Variants in PCDHGA11 observed in about 807,000 individuals in gnomAD.
PCDHGA11 encodes protocadherin gamma subfamily A, 11, also known as protocadherin gamma-A11.
A neutral mutation model predicts 60.4 loss-of-function variants in PCDHGA11; 39 were observed. The ratio of observed to expected loss-of-function variants is 0.65; its 90% CI spans 0.50 to 0.84. The LOEUF is 0.84. PCDHGA11 is among the 40% of genes least tolerant of loss of function. The probability of loss-of-function intolerance (pLI) is 0.00; values close to 1 mark genes in which losing one functional copy is unlikely to be tolerated. For synonymous variants in PCDHGA11, 533 were observed against 510.3 expected (o/e 1.04, Z -0.60); for missense variants, 1,165 against 1,197.7 (o/e 0.97, Z 0.40).
chr5:141,494,100 G>A (rs559145191), intron 1 of PCDHGA11, among the ~76,000 whole-genome samples: 7 of 152,270 alleles, frequency 4.6e-5, no homozygotes, highest in South Asian at 2.1e-4. Flanking sequence ...ATTTTTCTCC[G>A]TCTCAGACAG....
chr5:141,511,215 A>G lies in PCDHGA11; in HGVS notation c.*42A>G, dbSNP rs1562250541. On this transcript the variant is annotated 3_prime_UTR_variant, in exon 4 of 4. Coordinates refer to ENST00000398587, the MANE Select transcript of PCDHGA11 (RefSeq NM_018914.3). ...AGAGCCACAGGGCGGCCTCTCCCCA[A>G]CCAGCCCAGCTTCTCCTTACCTGCA... The G allele has an allele frequency of 1.2e-6, 2 of 1,608,380 alleles. No individual in the cohort carries two copies. The highest frequency in any genetic ancestry group is 2.2e-5 in the East Asian group (1 of 44,560).
At position 141,487,030 on chromosome 5, in the gene PCDHGA11, T is replaced by C. The variant is rs773121109; in HGVS notation, c.2434-7777T>C. Reference sequence around the variant, plus strand: ...TGGAGGCCCCAGATCCCAGCCTGTTTGCAGTCTCTCGATATGCTGGGGAGG... The same window carrying C: ...TGGAGGCCCCAGATCCCAGCCTGTTCGCAGTCTCTCGATATGCTGGGGAGG... On this transcript the variant is annotated intron_variant, in intron 1 of 3. Coordinates refer to ENST00000398587, the MANE Select transcript of PCDHGA11 (RefSeq NM_018914.3). The surrounding 1 kb of genome is among the most constrained non-coding windows in gnomAD (Gnocchi z 5.0). 12 of 1,614,100 alleles carry C rather than the reference T, an allele frequency of 7.4e-6. No homozygotes were observed. Among genetic ancestry groups the C allele is most frequent in the Non-Finnish European group, 1.0e-5 (12 of 1,180,044 alleles).
In PCDHGA11 at chr5:141,428,860, CTT is replaced by C. The variant is rs34152666; in HGVS notation, c.2433+5212_2433+5213del. On this transcript the variant is annotated intron_variant, in intron 1 of 3. Transcript: ENST00000398587. The stretch of plus-strand genomic sequence containing the variant: ...ACATTTTCACCATTTTTACGGGAGA[CTT>C]TTTTTTTTTTTGGACGGAGTCTCGC... The C allele has an allele frequency of 7.4e-3, 1,070 of 145,506 alleles. 4 individuals carry two copies. Among genetic ancestry groups the C allele is most frequent in the South Asian group, 0.018 (82 of 4,566 alleles). 9.0% of individuals were successfully genotyped at this position (145,506 alleles called of 1,614,324 possible).
At position 141,512,574 on chromosome 5, in the gene PCDHGA11, C is replaced by T. The variant is rs1429371202; in HGVS notation, c.*1401C>T. 6.5e-6 allele frequency: 1 copy of T among 152,884 alleles called. No homozygotes were observed. Among genetic ancestry groups the T allele is most frequent in the Non-Finnish European group, 1.5e-5 (1 of 68,502 alleles). The allele number at this position is 152,884 out of a possible 1,614,324, so 9.5% of individuals were successfully genotyped here. On this transcript the variant is annotated 3_prime_UTR_variant, in exon 4 of 4. Coordinates refer to ENST00000398587, the MANE Select transcript of PCDHGA11 (RefSeq NM_018914.3). ...GTGCATAGACCTTCTTCTCCCACCCCCTTCTGCCCCTGGGTCCCCGGCCAT... is the reference window on the plus strand; with the variant it reads ...GTGCATAGACCTTCTTCTCCCACCCTCTTCTGCCCCTGGGTCCCCGGCCAT...
Position 141,431,615 on chromosome 5 carries a change from G to A in PCDHGA11, c.2433+7955G>A. 1.2e-6 allele frequency: 2 copies of A among 1,614,236 alleles called. No homozygotes were observed. Among genetic ancestry groups the A allele is most frequent in the Non-Finnish European group, 1.7e-6 (2 of 1,180,042 alleles). ...GAGGTATTCCTTCCGGTATGTGGACGACAAGGCGGCCCAAGTTTTCAAACT... is the reference window on the plus strand; with the variant it reads ...GAGGTATTCCTTCCGGTATGTGGACAACAAGGCGGCCCAAGTTTTCAAACT... On this transcript the variant is annotated intron_variant, in intron 1 of 3. Coordinates refer to ENST00000398587, the MANE Select transcript of PCDHGA11 (RefSeq NM_018914.3). The surrounding 1 kb of genome is among the most constrained non-coding windows in gnomAD (Gnocchi z 4.8).
In PCDHGA11 at chr5:141,486,369, C is replaced by T; in HGVS notation, c.2434-8438C>T. 8 of 1,614,128 alleles carry T rather than the reference C, an allele frequency of 5.0e-6. No homozygotes were observed. The highest frequency in any genetic ancestry group is 6.8e-6 in the Non-Finnish European group (8 of 1,179,996). On this transcript the variant is annotated intron_variant, in intron 1 of 3. Coordinates refer to ENST00000398587, the MANE Select transcript of PCDHGA11 (RefSeq NM_018914.3). The surrounding 1 kb of genome is among the most constrained non-coding windows in gnomAD (Gnocchi z 5.0). ...GACCACTTGCCATTTGCCCTCAAGT[C>T]TGCCTTCAGGAACCAGTTCTCCCTG...
In PCDHGA11 at chr5:141,476,691, A is replaced by G; in HGVS notation, c.2434-18116A>G. 6.2e-7 allele frequency: 1 copy of G among 1,614,224 alleles called. No individual in the cohort carries two copies. Among genetic ancestry groups the G allele is most frequent in the Non-Finnish European group, 8.5e-7 (1 of 1,180,050 alleles). The stretch of plus-strand genomic sequence containing the variant: ...GTGCAGACGCGGGAGGACAGCACCA[A>G]GTACGCGGAGCTGGTGTTGGAGCGC... On this transcript the variant is annotated intron_variant, in intron 1 of 3. Transcript: ENST00000398587. This position sits in a 1 kb window ranked among gnomAD's most constrained non-coding sequence, Gnocchi z 7.6.
At chr5:141,494,188 T>C (rs2099752632) in intron 1 of PCDHGA11, among the ~76,000 whole-genome samples, 1 of 152,186 alleles carries the variant, frequency 6.6e-6, no homozygotes, top group South Asian at 2.1e-4. Flanking sequence ...GTCCCGGGAC[T>C]TGGATGCCCC....
At chr5:141,430,817 C>T (rs200369093) in intron 1 of PCDHGA11, 2 of 1,539,796 alleles carry the variant, frequency 1.3e-6, no homozygotes, top group Non-Finnish European at 1.7e-6. Flanking sequence ...GGGAATCCTC[C>T]TGGGGACTCT....
At chr5:141,499,689 CTTT>C (rs545067566) in intron 2 of PCDHGA11, among the ~76,000 whole-genome samples, 2 of 119,848 alleles carry the variant, frequency 1.7e-5, no homozygotes, top group African/African-American at 3.1e-5. Context: ...TAACAGATGA[CTTT>C]TTTTTTTTTT....
At chr5:141,497,212 G>C (rs968445663) in intron 2 of PCDHGA11, among the ~76,000 whole-genome samples, 2 of 151,018 alleles carry the variant, frequency 1.3e-5, no homozygotes, top group East Asian at 3.9e-4. Context: ...AGTGTAATGG[G>C]GGGGGGAAGA....
In PCDHGA11 at chr5:141,476,466, A is replaced by C. The variant is rs771760524; in HGVS notation, c.2434-18341A>C. The C allele has an allele frequency of 6.2e-7, 1 of 1,613,996 alleles. No individual in the cohort carries two copies. Reference sequence around the variant, plus strand: ...GAGTTGGTAGTGGAGAACCCGCTGGAGCTGTTCAGCGTGGAAGTGGTGATC... The same window carrying C: ...GAGTTGGTAGTGGAGAACCCGCTGGCGCTGTTCAGCGTGGAAGTGGTGATC... On this transcript the variant is annotated intron_variant, in intron 1 of 3. Transcript: ENST00000398587. This position sits in a 1 kb window ranked among gnomAD's most constrained non-coding sequence, Gnocchi z 7.6.
At chr5:141,478,567 C>A in intron 1 of PCDHGA11, 1 of 1,593,812 alleles carries the variant, frequency 6.3e-7, no homozygotes, top group Non-Finnish European at 8.6e-7. Flanking sequence ...GCAAGTCATG[C>A]TTGACCCTGT....
chr5:141,431,318 G>C lies in PCDHGA11; in HGVS notation c.2433+7658G>C. 1 of 1,614,086 alleles carries C rather than the reference G, an allele frequency of 6.2e-7. No homozygotes were observed. Among genetic ancestry groups the C allele is most frequent in the African/African-American group, 1.3e-5 (1 of 75,050 alleles). On this transcript the variant is annotated intron_variant, in intron 1 of 3. Transcript: ENST00000398587. The surrounding 1 kb of genome is among the most constrained non-coding windows in gnomAD (Gnocchi z 4.8). ...CTCCCTCATCGTGCAAAATGGAGCC[G>C]ACGGTAGTAAGTACCCCGAATTGGT...
intron 1 of PCDHGA11, chr5:141,442,062 G>A (rs1001398926): frequency 7.0e-5 from 13 of 185,900 alleles, no homozygotes; most frequent in Admixed American, 1.3e-4. Context: ...GGTGCACTGC[G>A]GTGGACAGCC....
intron 1 of PCDHGA11, among the ~76,000 whole-genome samples, chr5:141,483,014 G>A (rs1401419953): frequency 1.3e-5 from 2 of 152,184 alleles, no homozygotes; most frequent in Non-Finnish European, 2.9e-5. Context: ...GAACCCGGGA[G>A]GCAGAGGTTG....
At chr5:141,467,134 C>T (rs905270517) in intron 1 of PCDHGA11, among the ~76,000 whole-genome samples, 19 of 151,750 alleles carry the variant, frequency 1.3e-4, no homozygotes, top group African/African-American at 4.6e-4. Flanking sequence ...CTCACTGCAA[C>T]CTCTGCCTCC....
intron 1 of PCDHGA11, among the ~76,000 whole-genome samples, chr5:141,474,263 A>C (rs964712807): frequency 6.6e-6 from 1 of 152,188 alleles, no homozygotes; most frequent in Non-Finnish European, 1.5e-5. Context: ...CTGATAAACC[A>C]GTGTATCTCT....
At chr5:141,471,422 A>T (rs919676109) in intron 1 of PCDHGA11, 5 of 152,176 alleles carry the variant, frequency 3.3e-5, no homozygotes, top group Non-Finnish European at 5.9e-5. Context: ...GTTTTTAGCA[A>T]GGAAAGTGTA....
Sources: gnomAD v4.1 joint callset for allele counts (sites outside exome capture counted in the v4.1 genomes callset) on GRCh38, gnomAD v4.1.1 for gene constraint, Gnocchi (gnomAD v3.1) non-coding constraint, MANE v1.5 for transcripts, NCBI Gene and HGNC (gene_info 2026-07-23, HGNC 2026-07-21) for gene names.